Variants in UGT2B17 observed in about 807,000 individuals in gnomAD.
UGT2B17 encodes the protein UDP-glucuronosyltransferase 2B17.
UGT2B17 carries 21 observed loss-of-function variants against 48.2 expected under a neutral mutation model. The observed-to-expected ratio is 0.44, with a 90% CI of 0.31 to 0.63. The LOEUF (loss-of-function observed/expected upper bound fraction) is 0.63, where lower values mean the gene tolerates loss of function less well. UGT2B17 is among the 20% of genes least tolerant of loss of function. The pLI, the probability that UGT2B17 is intolerant of heterozygous loss-of-function variation, is 0.08. For missense variants in UGT2B17, 402 were observed against 696.1 expected, an observed-to-expected ratio of 0.58 and a Z score of 4.75; for synonymous variants, 146 against 238.4, an observed-to-expected ratio of 0.61 and a Z score of 3.57.
intron 6 of UGT2B17, among the ~76,000 whole-genome samples, chr4:68,549,502 A>G (rs1013493457): frequency 4.0e-5 from 5 of 125,472 alleles, no homozygotes; most frequent in African/African-American, 1.4e-4. Context: ...TTAAAATAGA[A>G]ATTTTATCTA....
Position 68,542,672 on chromosome 4 carries a change from T to A in UGT2B17, c.1314-4768A>T, listed in dbSNP as rs1329145081. Among the ~76,000 whole-genome samples the A allele has an allele frequency of 3.9e-5, 5 of 127,206 alleles. No individual in the cohort carries two copies. In the Admixed American group the frequency reaches 4.0e-4, roughly 10 times the overall value. 83.5% of individuals were successfully genotyped at this position (127,206 alleles called of 152,430 possible). On this transcript the variant is annotated intron_variant, in intron 6 of 6. Coordinates refer to ENST00000317746, the MANE Select transcript of UGT2B17 (RefSeq NM_001077.4). ...CCTCATCAGGGAAGCACAAGGGGTC[T>A]GTGAATTCCCTTCCCTAGCCAAGGA...
rs1408189034 is a variant in UGT2B17 at position 68,565,239 on chromosome 4, C to G, written c.873+333G>C. 1.6e-5 allele frequency among the ~76,000 whole-genome samples: 2 copies of G among 126,060 alleles called. 1 individual carries two copies. The highest frequency in any genetic ancestry group is 5.4e-5 in the African/African-American group (2 of 36,826). The allele number at this position is 126,060 out of a possible 152,430, so 82.7% of individuals were successfully genotyped here. A position where few individuals can be genotyped will look rare whatever the true frequency, so the allele number is the denominator to read the frequency against. On this transcript the variant is annotated intron_variant, in intron 3 of 6. Transcript: ENST00000317746. Reference sequence around the variant, plus strand: ...GCGCAGAAACTGTGCTACCTTTATTCTCTGAAAATCCAGCACTTACCTGTG... The same window carrying G: ...GCGCAGAAACTGTGCTACCTTTATTGTCTGAAAATCCAGCACTTACCTGTG...
chr4:68,551,088 C>G (rs1730906269), intron 5 of UGT2B17, among the ~76,000 whole-genome samples, 192 bp from the exon 6 acceptor site: 1 of 124,976 alleles, frequency 8.0e-6, no homozygotes, highest in African/African-American at 2.7e-5. Context: ...GTGAAGGCTA[C>G]ATGAAAAGGT....
Position 68,554,495 on chromosome 4 carries a change from A to G in UGT2B17, c.1006-2584T>C, listed in dbSNP as rs1193894280. Among the ~76,000 whole-genome samples, 10 of 125,156 alleles carry G rather than the reference A, an allele frequency of 8.0e-5. 3 individuals carry two copies. The highest frequency in any genetic ancestry group is 2.7e-4 in the African/African-American group (10 of 36,756). 82.1% of individuals were successfully genotyped at this position (125,156 alleles called of 152,430 possible). ...CTTTTATTTTTCTATTAAGTTAAAA[A>G]CCACTGTTTTGATTCAACAGGTTTT... On this transcript the variant is annotated intron_variant, in intron 4 of 6. Coordinates refer to ENST00000317746, the MANE Select transcript of UGT2B17 (RefSeq NM_001077.4).
At position 68,537,588 on chromosome 4, in the gene UGT2B17, C is replaced by T; in HGVS notation, c.*37G>A. On this transcript the variant is annotated 3_prime_UTR_variant, in exon 7 of 7. Transcript: ENST00000317746. The stretch of plus-strand genomic sequence containing the variant: ...CCATGCTGGAATAAAGGAGGAGTCC[C>T]ATCTTTTGGTCATTCCACTTCAGGC... The T allele has an allele frequency of 1.5e-6, 2 of 1,298,126 alleles. 1 individual carries two copies. The highest frequency in any genetic ancestry group is 2.0e-6 in the Non-Finnish European group (2 of 1,008,964). The allele number at this position is 1,298,126 out of a possible 1,614,324, so 80.4% of individuals were successfully genotyped here. A position where few individuals can be genotyped will look rare whatever the true frequency, so the allele number is the denominator to read the frequency against.
chr4:68,542,973 C>T (rs1730705295), intron 6 of UGT2B17, among the ~76,000 whole-genome samples: 1 of 126,742 alleles, frequency 7.9e-6, no homozygotes, highest in South Asian at 3.6e-4. Flanking sequence ...CCCACCGCAG[C>T]TCAAGGACGC....
At chr4:68,562,468 G>T in intron 3 of UGT2B17, among the ~76,000 whole-genome samples, 1 of 125,542 alleles carries the variant, frequency 8.0e-6, no homozygotes, top group South Asian at 3.7e-4. Flanking sequence ...AATTCATGAG[G>T]CATCCAGGAA....
rs1189932145 is a variant in UGT2B17, at chr4:68,550,940, C to A, written c.1094-44G>T. On this transcript the variant is annotated intron_variant, in intron 5 of 6. Transcript: ENST00000317746. ...TAACAAAGTTATTAATTATAAGGCA[C>A]AGGAATTGAATAAGAAATGCACAAT... 4.6e-6 allele frequency: 6 copies of A among 1,306,312 alleles called. 2 individuals carry two copies. Among genetic ancestry groups the A allele is most frequent in the Non-Finnish European group, 6.0e-6 (6 of 999,950 alleles). 80.9% of individuals were successfully genotyped at this position (1,306,312 alleles called of 1,614,324 possible).
intron 6 of UGT2B17, among the ~76,000 whole-genome samples, chr4:68,546,528 C>T (rs1730811566): frequency 1.6e-5 from 2 of 125,836 alleles, no homozygotes; most frequent in Non-Finnish European, 3.4e-5. Flanking sequence ...GACAGGGATG[C>T]CCTCTCTCAC....
rs549982369 is a variant in UGT2B17, at chr4:68,568,562, A to C, written c.-64-14T>G. Reference sequence around the variant, plus strand: ...TCATACTTATATCTGAGGAAAAATCAATCAAGTTAAAATATAACTGCTAAA... The same window carrying C: ...TCATACTTATATCTGAGGAAAAATCCATCAAGTTAAAATATAACTGCTAAA... On this transcript the variant is annotated splice_polypyrimidine_tract_variant and intron_variant, in intron 1 of 6. Coordinates refer to ENST00000317746, the MANE Select transcript of UGT2B17 (RefSeq NM_001077.4). The C allele has an allele frequency of 1.3e-4, 162 of 1,230,254 alleles. 42 individuals carry two copies. Among genetic ancestry groups the C allele is most frequent in the Non-Finnish European group, 1.6e-4 (154 of 977,090 alleles). The allele number at this position is 1,230,254 out of a possible 1,614,324, so 76.2% of individuals were successfully genotyped here.
At chr4:68,558,884 C>G (rs1259926550) in intron 4 of UGT2B17, among the ~76,000 whole-genome samples, 2 of 125,416 alleles carry the variant, frequency 1.6e-5, no homozygotes, top group African/African-American at 5.4e-5. Context: ...CTTTGGAGAG[C>G]CTAATCAGAA....
Position 68,540,482 on chromosome 4 carries a change from C to T in UGT2B17, c.1314-2578G>A, listed in dbSNP as rs991663727. 5.6e-5 allele frequency among the ~76,000 whole-genome samples: 7 copies of T among 125,556 alleles called. 2 individuals are homozygous for T. Among genetic ancestry groups the T allele is most frequent in the Non-Finnish European group, 1.2e-4 (7 of 59,326 alleles). The allele number at this position is 125,556 out of a possible 152,430, so 82.4% of individuals were successfully genotyped here. A position where few individuals can be genotyped will look rare whatever the true frequency, so the allele number is the denominator to read the frequency against. ...GGGACTACAGGTGCACACCACCATG[C>T]CTAGCTAATTTTTGTATTTTTAGTA... On this transcript the variant is annotated intron_variant, in intron 6 of 6. Transcript: ENST00000317746.
rs1357295810 is a variant in UGT2B17, at chr4:68,566,256, A to G, written c.725-536T>C. 1.6e-5 allele frequency among the ~76,000 whole-genome samples: 2 copies of G among 122,876 alleles called. 1 individual carries two copies. Among genetic ancestry groups the G allele is most frequent in the Admixed American group, 1.7e-4 (2 of 11,692 alleles). The allele number at this position is 122,876 out of a possible 152,430, so 80.6% of individuals were successfully genotyped here. A position where few individuals can be genotyped will look rare whatever the true frequency, so the allele number is the denominator to read the frequency against. ...TTTTTATGTATTGCATATGTTGCTC[A>G]TATGTATATATAAGGAAGGCAAAGT... On this transcript the variant is annotated intron_variant, in intron 2 of 6. Transcript: ENST00000317746.
chr4:68,553,876 T>C (rs1198594139), intron 4 of UGT2B17, among the ~76,000 whole-genome samples: 1 of 120,116 alleles, frequency 8.3e-6, no homozygotes, highest in Admixed American at 8.7e-5. Flanking sequence ...AAAGACTGAG[T>C]TTTCTCAGCT....
In UGT2B17 at chr4:68,568,159, T is replaced by G. The variant is rs150774462; in HGVS notation, c.326A>C (p.Tyr109Ser). The change falls in exon 2 of 7, where the codon TAT (tyrosine) becomes TCT (serine). Residue 109 changes from tyrosine to serine, a missense_variant. Transcript: ENST00000317746. Reference protein sequence around the residue: ...YSISKNTFWSYFSQLQELCWE... With the variant: ...YSISKNTFWSSFSQLQELCWE... ...ACACAATTCTTGTAGTTGTGAAAAA[T>G]ATGACCAAAATGTATTTTTTGAAAT... 1,133 of 1,380,962 alleles carry G rather than the reference T, an allele frequency of 8.2e-4. 293 individuals are homozygous for G. Among genetic ancestry groups the G allele is most frequent in the Non-Finnish European group, 7.3e-4 (769 of 1,054,694 alleles). 85.5% of individuals were successfully genotyped at this position (1,380,962 alleles called of 1,614,324 possible). A position where few individuals can be genotyped will look rare whatever the true frequency, so the allele number is the denominator to read the frequency against.
chr4:68,568,068 T>C lies in UGT2B17; in HGVS notation c.417A>G (p.Arg139=), dbSNP rs1731236015. ...EDAVLNKKLM[R]KLQESKFDVL... ...CATCAAATTTTGACTCTTGTAGTTT[T>C]CTCATAAGTTTCTTGTTCAAAACTG... The change falls in exon 2 of 7, where the codon AGA becomes AGG. Residue 139 remains arginine (R), a synonymous_variant. Transcript: ENST00000317746. 4.3e-6 allele frequency: 6 copies of C among 1,383,158 alleles called. 1 individual carries two copies. The South Asian group carries it at 4.8e-5, about 11-fold the overall frequency. The allele number at this position is 1,383,158 out of a possible 1,614,324, so 85.7% of individuals were successfully genotyped here.
At position 68,543,772 on chromosome 4, in the gene UGT2B17, C is replaced by A. The variant is rs1170535630; in HGVS notation, c.1314-5868G>T. Among the ~76,000 whole-genome samples, 6 of 125,018 alleles carry A rather than the reference C, an allele frequency of 4.8e-5. 2 individuals are homozygous for A. The highest frequency in any genetic ancestry group is 1.4e-4 in the African/African-American group (5 of 36,566). The allele number at this position is 125,018 out of a possible 152,430, so 82.0% of individuals were successfully genotyped here. A position where few individuals can be genotyped will look rare whatever the true frequency, so the allele number is the denominator to read the frequency against. On this transcript the variant is annotated intron_variant, in intron 6 of 6. Transcript: ENST00000317746. ...GGAGCTGAAAACCATGGCACGAGAACTATGTGATGAATGCACAAGCCTCAG... is the reference window on the plus strand; with the variant it reads ...GGAGCTGAAAACCATGGCACGAGAAATATGTGATGAATGCACAAGCCTCAG...
chr4:68,554,060 A>C (rs972602544), intron 4 of UGT2B17, among the ~76,000 whole-genome samples: 1 of 125,252 alleles, frequency 8.0e-6, no homozygotes, highest in Admixed American at 8.2e-5. Context: ...ATATGAGGGC[A>C]GATCACCCAG....
intron 1 of UGT2B17, among the ~76,000 whole-genome samples, chr4:68,568,806 T>A (rs1250941859): frequency 1.6e-5 from 2 of 128,964 alleles, no homozygotes; most frequent in Non-Finnish European, 3.3e-5. Flanking sequence ...TCAAACGCCA[T>A]TTTTTAATAT....
Sources: allele counts gnomAD v4.1 joint callset (sites outside exome capture counted in the v4.1 genomes callset), GRCh38; gene constraint gnomAD v4.1.1; transcripts MANE v1.5; gene names NCBI Gene and HGNC (gene_info 2026-07-23, HGNC 2026-07-21).